PLEKHM3: variants seen among roughly 807,000 people sequenced by gnomAD.
PLEKHM3 encodes pleckstrin homology domain containing M3.
PLEKHM3 carries 45 observed loss-of-function variants against 81.8 expected under a neutral mutation model. That is an observed-to-expected ratio of 0.55 (90% confidence interval 0.43 to 0.71). The LOEUF (loss-of-function observed/expected upper bound fraction) is 0.71. Ranked by LOEUF, PLEKHM3 falls within the 30% of genes least tolerant of loss-of-function variation. The probability of loss-of-function intolerance (pLI) is 0.00; values close to 1 mark genes in which losing one functional copy is unlikely to be tolerated. For missense variants in PLEKHM3, 788 were observed against 924.3 expected, an observed-to-expected ratio of 0.85 and a Z score of 1.91; for synonymous variants, 352 against 356.4, an observed-to-expected ratio of 0.99 and a Z score of 0.14.
intron 4 of PLEKHM3, among the ~76,000 whole-genome samples, chr2:207,938,106 T>C (rs946062878): frequency 6.6e-6 from 1 of 152,170 alleles, no homozygotes; most frequent in African/African-American, 2.4e-5. Context: ...CAAGCTAGGA[T>C]ACAAATAAAT....
intron 7 of PLEKHM3, among the ~76,000 whole-genome samples, chr2:207,859,715 A>G (rs1443979368): frequency 6.6e-6 from 1 of 151,574 alleles, no homozygotes; most frequent in Non-Finnish European, 1.5e-5. Context: ...CTCCTGCCTC[A>G]ACCTCCTGAG....
chr2:207,851,041 T>C (rs965653105), intron 7 of PLEKHM3, among the ~76,000 whole-genome samples: 1 of 149,634 alleles, frequency 6.7e-6, no homozygotes, highest in Non-Finnish European at 1.5e-5. Context: ...TAATCCCAGC[T>C]ACTAGGGAGG....
chr2:208,014,159 A>G (rs1692797055), intron 1 of PLEKHM3, among the ~76,000 whole-genome samples: 1 of 152,186 alleles, frequency 6.6e-6, no homozygotes. Flanking sequence ...CTCTTAACCA[A>G]TTTAGTCAGG....
chr2:207,992,479 G>C (rs1691930441), intron 2 of PLEKHM3, among the ~76,000 whole-genome samples: 1 of 152,082 alleles, frequency 6.6e-6, no homozygotes, highest in Non-Finnish European at 1.5e-5. Flanking sequence ...CTGTAACTAA[G>C]GAGAAAGGAA....
intron 3 of PLEKHM3, 34 bp from the exon 4 acceptor site, chr2:207,946,546 T>C (rs760648466): frequency 7.5e-6 from 12 of 1,608,084 alleles, no homozygotes; most frequent in Non-Finnish European, 1.0e-5. Context: ...CTATGATTGC[T>C]GTTGTACTTT....
chr2:207,853,780 AT>A (rs909487208), intron 7 of PLEKHM3, among the ~76,000 whole-genome samples: 52 of 148,208 alleles, frequency 3.5e-4, no homozygotes, highest in Middle Eastern at 3.5e-3. Flanking sequence ...TATTATTATT[AT>A]TTTTTTTTTG....
At chr2:207,974,228 C>G (rs1691224270) in intron 3 of PLEKHM3, among the ~76,000 whole-genome samples, 1 of 151,450 alleles carries the variant, frequency 6.6e-6, no homozygotes, top group Admixed American at 6.6e-5. Context: ...TTCTACTCAG[C>G]TTCCTTCTCC....
chr2:207,922,409 C>A (rs1007529516), intron 5 of PLEKHM3, among the ~76,000 whole-genome samples: 1 of 152,162 alleles, frequency 6.6e-6, no homozygotes, highest in Admixed American at 6.5e-5. Flanking sequence ...GCTTTTATTG[C>A]ACCACTAGCA....
At chr2:207,839,603 T>C (rs1208623970) in intron 7 of PLEKHM3, among the ~76,000 whole-genome samples, 2 of 152,158 alleles carry the variant, frequency 1.3e-5, no homozygotes, top group Non-Finnish European at 2.9e-5. Flanking sequence ...CCAAATGTGA[T>C]GCAGCCAAGC....
intron 1 of PLEKHM3, among the ~76,000 whole-genome samples, chr2:208,011,416 C>T (rs1052715792): frequency 2.6e-5 from 4 of 152,036 alleles, no homozygotes; most frequent in African/African-American, 7.3e-5. Context: ...ATATGATGCA[C>T]TACTACTCAG....
rs1220586196 is a variant in PLEKHM3, at chr2:207,946,363, C to G, written c.1692+4G>C. Reference sequence around the variant, plus strand: ...TATTAAGTGAACTGAGTTTTTGTACCTACCTTATACTTTGAAGTATCCCAG... The same window carrying G: ...TATTAAGTGAACTGAGTTTTTGTACGTACCTTATACTTTGAAGTATCCCAG... On this transcript the variant is annotated splice_donor_region_variant and intron_variant, in intron 4 of 7. Coordinates refer to ENST00000427836, the MANE Select transcript of PLEKHM3 (RefSeq NM_001080475.3). 1 of 1,610,730 alleles carries G rather than the reference C, an allele frequency of 6.2e-7. No homozygotes were observed. The highest frequency in any genetic ancestry group is 8.5e-7 in the Non-Finnish European group (1 of 1,178,228).
chr2:207,948,655 T>G (rs1305943151), intron 3 of PLEKHM3, among the ~76,000 whole-genome samples: 5 of 151,710 alleles, frequency 3.3e-5, no homozygotes, highest in African/African-American at 1.2e-4. Flanking sequence ...GCCATTCTCC[T>G]GCCTCAGCCT....
At chr2:208,000,311 T>A (rs536719536) in intron 2 of PLEKHM3, among the ~76,000 whole-genome samples, 1 of 152,320 alleles carries the variant, frequency 6.6e-6, no homozygotes, top group East Asian at 1.9e-4. Context: ...CCTGACGAAG[T>A]GTCATGTCCT....
chr2:207,893,785 A>G (rs1688137525), intron 6 of PLEKHM3, among the ~76,000 whole-genome samples: 2 of 152,134 alleles, frequency 1.3e-5, no homozygotes, highest in South Asian at 4.1e-4. Context: ...ACAGATACAG[A>G]GTGTGCTAAC....
intron 1 of PLEKHM3, among the ~76,000 whole-genome samples, chr2:208,004,880 A>G (rs1692447223): frequency 6.6e-6 from 1 of 152,094 alleles, no homozygotes; most frequent in Admixed American, 6.5e-5. Context: ...GCTAGAGTGA[A>G]GTGGCACGAT....
intron 7 of PLEKHM3, among the ~76,000 whole-genome samples, chr2:207,833,909 A>G (rs538354423): frequency 1.0e-3 from 157 of 152,256 alleles, no homozygotes; most frequent in Non-Finnish European, 1.9e-3. Context: ...TTTAACTTTC[A>G]CAAGTACGTA....
intron 2 of PLEKHM3, among the ~76,000 whole-genome samples, chr2:207,993,658 C>G (rs1373803515): frequency 6.6e-6 from 1 of 151,960 alleles, no homozygotes; most frequent in East Asian, 1.9e-4. Context: ...CAAGAAAATA[C>G]AGGCATAGGA....
chr2:208,011,194 A>G (rs979046828), intron 1 of PLEKHM3, among the ~76,000 whole-genome samples: 6 of 152,200 alleles, frequency 3.9e-5, no homozygotes, highest in Admixed American at 3.3e-4. Flanking sequence ...TCCTTTAAGA[A>G]CTAAAAGTAG....
chr2:207,874,119 G>T (rs1392792275), intron 6 of PLEKHM3, among the ~76,000 whole-genome samples: 1 of 152,166 alleles, frequency 6.6e-6, no homozygotes, highest in Non-Finnish European at 1.5e-5. Flanking sequence ...TGCAGTGTCT[G>T]TATGCCTGGG....
Sources: gnomAD v4.1 joint callset for allele counts (sites outside exome capture counted in the v4.1 genomes callset) on GRCh38, gnomAD v4.1.1 for gene constraint, MANE v1.5 for transcripts, NCBI Gene and HGNC (gene_info 2026-07-23, HGNC 2026-07-21) for gene names.